Variants in COL4A3 observed in about 807,000 individuals in gnomAD.
COL4A3 encodes the protein collagen alpha-3(IV) chain.
A neutral mutation model predicts 217.4 loss-of-function variants in COL4A3; 135 were observed. The ratio of observed to expected loss-of-function variants is 0.62; its 90% CI spans 0.54 to 0.72. The LOEUF is 0.72. Among genes scored for constraint, COL4A3 ranks in the 30% least tolerant of loss-of-function variants. COL4A3 has a pLI of 0.00. For synonymous variants in COL4A3, 690 were observed against 736.3 expected, an observed-to-expected ratio of 0.94 and a Z score of 1.02; for missense variants, 1,868 against 2,119.9, an observed-to-expected ratio of 0.88 and a Z score of 2.33.
At chr2:227,308,650 T>C (rs2073612655) in intron 48 of COL4A3, among the ~76,000 whole-genome samples, 1 of 152,250 alleles carries the variant, frequency 6.6e-6, no homozygotes, top group Non-Finnish European at 1.5e-5. Context: ...CTAGCCCCCA[T>C]GTTCTAAATC....
intron 20 of COL4A3, among the ~76,000 whole-genome samples, chr2:227,261,577 T>C (rs56326703): frequency 0.1 from 15,317 of 152,276 alleles, 801 homozygotes; most frequent in Non-Finnish European, 0.12. Context: ...CTTTGCAATT[T>C]ATAGTGGAAG....
At position 227,276,493 on chromosome 2, in the gene COL4A3, C is replaced by G. The variant is rs1199683579; in HGVS notation, c.2020+16C>G. The stretch of plus-strand genomic sequence containing the variant: ...GGTCCACCTGGTAAGTATCCTCTGC[C>G]AAATCTGGTACATGGCATCAGACAC... On this transcript the variant is annotated intron_variant, in intron 27 of 51. Coordinates refer to ENST00000396578, the MANE Select transcript of COL4A3 (RefSeq NM_000091.5). 2 of 1,577,544 alleles carry G rather than the reference C, an allele frequency of 1.3e-6. No homozygotes were observed. The highest frequency in any genetic ancestry group is 1.7e-6 in the Non-Finnish European group (2 of 1,146,652).
chr2:227,230,375 A>T (rs2068336386), intron 1 of COL4A3, among the ~76,000 whole-genome samples: 1 of 152,220 alleles, frequency 6.6e-6, no homozygotes, highest in Non-Finnish European at 1.5e-5. Flanking sequence ...TATTATTATT[A>T]AGAGCTTTCT....
At chr2:227,263,582 A>G (rs769565952) in intron 20 of COL4A3, among the ~76,000 whole-genome samples, 198 bp from the exon 21 acceptor site, 4 of 152,224 alleles carry the variant, frequency 2.6e-5, no homozygotes, top group Non-Finnish European at 4.4e-5. Flanking sequence ...AATGTTCTGC[A>G]CTTCACTGTA....
At chr2:227,276,725 T>G (rs917997163) in intron 27 of COL4A3, among the ~76,000 whole-genome samples, 1 of 152,194 alleles carries the variant, frequency 6.6e-6, no homozygotes, top group African/African-American at 2.4e-5. Flanking sequence ...TGTAACTACT[T>G]AAGAGGAATT....
intron 42 of COL4A3, 68 bp downstream of exon 42, chr2:227,297,927 T>C: frequency 6.8e-7 from 1 of 1,478,888 alleles, no homozygotes; most frequent in Admixed American, 2.0e-5. Context: ...GTTTTCAACC[T>C]CCTCCTCATG....
rs1404615907 is a variant in COL4A3, at chr2:227,304,046, A to G, written c.4055A>G (p.Lys1352Arg). 6.2e-7 allele frequency: 1 copy of G among 1,614,046 alleles called. No individual in the cohort carries two copies. The highest frequency in any genetic ancestry group is 8.5e-7 in the Non-Finnish European group (1 of 1,180,024). The change falls in exon 46 of 52, where the codon AAG becomes AGG. Residue 1352 changes from lysine (K) to arginine (R), a missense_variant. Coordinates refer to ENST00000396578, the MANE Select transcript of COL4A3 (RefSeq NM_000091.5). ...GTACGTGGAGACCCTGGCACACTTA[A>G]GATTATCTCCCTTCCAGGAAGCCCA... is the stretch of plus-strand genomic sequence containing the variant. ...PGVRGDPGTL[K>R]IISLPGSPGP...
Position 227,251,159 on chromosome 2 carries a change from G to T in COL4A3, c.566G>T (p.Gly189Val). ...TTCAAGGGTTTGCCAGGCCCTCCAG[G>T]TTTTCCTGGGCCTGTTGGCCCACCT... ...PGPQGLPGPP[G>V]FPGPVGPPGP... The change falls in exon 10 of 52, where the codon GGT becomes GTT. Residue 189 changes from glycine (G) to valine (V), a missense_variant. Physicochemically the swap from Gly to Val is moderately radical, Grantham distance 109. Around this residue, in one of 2 missense-constraint regions of COL4A3, gnomAD observed 365 missense variants for 333.8 expected, o/e 1.09. Coordinates refer to ENST00000396578, the MANE Select transcript of COL4A3 (RefSeq NM_000091.5). The T allele has an allele frequency of 6.2e-7, 1 of 1,613,782 alleles. No homozygotes were observed. The highest frequency in any genetic ancestry group is 1.1e-5 in the South Asian group (1 of 91,068).
At position 227,164,714 on chromosome 2, in the gene COL4A3, G is replaced by A; in HGVS notation, c.-13G>A. ...GTCCCCGGACTCGCCCAGGCTCTGAGCGCGCGCCCACCATGAGCGCCCGGA... is the reference window on the plus strand; with the variant it reads ...GTCCCCGGACTCGCCCAGGCTCTGAACGCGCGCCCACCATGAGCGCCCGGA... On this transcript the variant is annotated 5_prime_UTR_variant, in exon 1 of 52. Coordinates refer to ENST00000396578, the MANE Select transcript of COL4A3 (RefSeq NM_000091.5). This position sits in a 1 kb window ranked among gnomAD's most constrained non-coding sequence, Gnocchi z 4.8. 2 of 1,529,732 alleles carry A rather than the reference G, an allele frequency of 1.3e-6. No individual in the cohort carries two copies. The highest frequency in any genetic ancestry group is 2.4e-5 in the South Asian group (2 of 83,704). 94.8% of individuals were successfully genotyped at this position (1,529,732 alleles called of 1,614,324 possible).
chr2:227,292,981 G>C (rs1354117714), intron 37 of COL4A3, among the ~76,000 whole-genome samples: 1 of 152,160 alleles, frequency 6.6e-6, no homozygotes, highest in Non-Finnish European at 1.5e-5. Context: ...ACTTTAAAAA[G>C]TTTTAAGGGA....
intron 1 of COL4A3, among the ~76,000 whole-genome samples, chr2:227,214,260 T>G (rs1183850932): frequency 6.6e-6 from 1 of 152,202 alleles, no homozygotes; most frequent in African/African-American, 2.4e-5. Flanking sequence ...GTTATTTATA[T>G]ATATTATACC....
intron 1 of COL4A3, among the ~76,000 whole-genome samples, chr2:227,208,346 A>G (rs186894838): frequency 1.3e-5 from 2 of 152,206 alleles, no homozygotes; most frequent in East Asian, 1.9e-4. Flanking sequence ...AACCTCCCCA[A>G]ATTGCTCCTG....
chr2:227,304,301 G>A (rs2073411905), intron 46 of COL4A3, 157 bp downstream of exon 46: 2 of 910,008 alleles, frequency 2.2e-6, no homozygotes, highest in African/African-American at 3.3e-5. Context: ...TTTTACCCTT[G>A]ACCAGCAAAT....
intron 1 of COL4A3, among the ~76,000 whole-genome samples, chr2:227,195,677 GTGTGTGTGTGTGTGTGTGTA>G (rs2066443493): frequency 1.3e-5 from 2 of 150,086 alleles, no homozygotes; most frequent in African/African-American, 2.5e-5. Flanking sequence ...ATGTGTGTGT[GTGTGTGTGTGTGTGTGTGTA>G]TGTGTGTGTG....
At chr2:227,169,118 C>G (rs1211263574) in intron 1 of COL4A3, 2 of 149,782 alleles carry the variant, frequency 1.3e-5, no homozygotes, top group African/African-American at 4.9e-5. Flanking sequence ...TCAGTTCCCA[C>G]CTATGAGTGA....
chr2:227,208,709 T>G (rs13405325), intron 1 of COL4A3, among the ~76,000 whole-genome samples: 11,900 of 151,824 alleles, frequency 0.078, 689 homozygotes, highest in Admixed American at 0.13. Context: ...TTCCCCTGTC[T>G]TGATAAATCA....
At chr2:227,211,957 G>A (rs190239657) in intron 1 of COL4A3, among the ~76,000 whole-genome samples, 68 of 152,224 alleles carry the variant, frequency 4.5e-4, no homozygotes, top group African/African-American at 1.4e-3. Context: ...GTGAGCCACC[G>A]TGCCCGGCCA....
intron 1 of COL4A3, among the ~76,000 whole-genome samples, chr2:227,228,939 T>G (rs1290935098): frequency 6.6e-6 from 1 of 152,118 alleles, no homozygotes. Context: ...CAGCCCTCAG[T>G]GTATCCTATG....
At chr2:227,171,722 G>T (rs570905492) in intron 1 of COL4A3, among the ~76,000 whole-genome samples, 1 of 152,292 alleles carries the variant, frequency 6.6e-6, no homozygotes, top group African/African-American at 2.4e-5. Context: ...TCTGAAGAAA[G>T]AATTCAACTG....
Sources: allele counts gnomAD v4.1 joint callset (sites outside exome capture counted in the v4.1 genomes callset), GRCh38; gene constraint gnomAD v4.1.1; regional missense constraint gnomAD v4.1.1; non-coding constraint Gnocchi (gnomAD v3.1); transcripts MANE v1.5; gene names NCBI Gene and HGNC (gene_info 2026-07-23, HGNC 2026-07-21).